The following USH2A variants were observed in gnomAD, a reference collection of about 807,000 sequenced individuals.
The protein encoded by USH2A is Usher syndrome 2A (autosomal recessive, mild).
USH2A carries 443 observed loss-of-function variants against 538.9 expected under a neutral mutation model. The ratio of observed to expected loss-of-function variants is 0.82; its 90% CI spans 0.76 to 0.89. The LOEUF (loss-of-function observed/expected upper bound fraction) is 0.89, where lower values mean the gene tolerates loss of function less well. Ranked by LOEUF, USH2A falls within the 40% of genes least tolerant of loss-of-function variation. The probability of loss-of-function intolerance (pLI) is 0.00; values close to 1 mark genes in which losing one functional copy is unlikely to be tolerated. For missense variants in USH2A, 6,633 were observed against 6,324.8 expected (o/e 1.05, Z -1.65); for synonymous variants, 2,413 against 2,273.5 (o/e 1.06, Z -1.75).
intron 37 of USH2A, among the ~76,000 whole-genome samples, chr1:215,955,398 T>C (rs908521049): frequency 6.6e-6 from 1 of 152,198 alleles, no homozygotes; most frequent in African/African-American, 2.4e-5. Context: ...CAACTCTGGA[T>C]AGAGAAAATT....
At chr1:216,305,114 A>C (rs1263566777) in intron 9 of USH2A, among the ~76,000 whole-genome samples, 1 of 152,046 alleles carries the variant, frequency 6.6e-6, no homozygotes, top group Non-Finnish European at 1.5e-5. Flanking sequence ...TCAGTGGAGT[A>C]CTGAAGTCCC....
At chr1:215,705,991 T>G (rs540587985) in intron 61 of USH2A, among the ~76,000 whole-genome samples, 2 of 152,270 alleles carry the variant, frequency 1.3e-5, no homozygotes, top group South Asian at 4.2e-4. Context: ...TTCAAGTACT[T>G]TATGTATATT....
At chr1:216,065,908 A>C (rs1371066346) in intron 30 of USH2A, among the ~76,000 whole-genome samples, 1 of 151,992 alleles carries the variant, frequency 6.6e-6, no homozygotes, top group Non-Finnish European at 1.5e-5. Context: ...AAAAATAAAA[A>C]AATAAAATAA....
intron 15 of USH2A, among the ~76,000 whole-genome samples, chr1:216,208,688 A>G (rs1307954499): frequency 6.6e-6 from 1 of 152,168 alleles, no homozygotes; most frequent in Non-Finnish European, 1.5e-5. Flanking sequence ...AGGACTCATC[A>G]TATAGTCCTA....
chr1:216,153,301 C>T (rs2033875990), intron 21 of USH2A, among the ~76,000 whole-genome samples: 1 of 152,182 alleles, frequency 6.6e-6, no homozygotes. Flanking sequence ...TTGGGAGTCA[C>T]AAGCACCCAC....
At chr1:215,628,633 A>C (rs1416404540) in intron 71 of USH2A, among the ~76,000 whole-genome samples, 181 bp downstream of exon 71, 1 of 152,174 alleles carries the variant, frequency 6.6e-6, no homozygotes, top group African/African-American at 2.4e-5. Flanking sequence ...AACAAGACAA[A>C]GTTTCTACCC....
At chr1:216,287,486 T>C (rs1016234421) in intron 11 of USH2A, among the ~76,000 whole-genome samples, 19 of 152,172 alleles carry the variant, frequency 1.2e-4, no homozygotes, top group Non-Finnish European at 2.6e-4. Context: ...CTGAAATCCA[T>C]GTTCAGTGAC....
intron 40 of USH2A, among the ~76,000 whole-genome samples, chr1:215,899,815 T>C (rs913220615): frequency 5.3e-5 from 8 of 152,140 alleles, no homozygotes; most frequent in African/African-American, 1.7e-4. Context: ...CCCTGAAGGA[T>C]AGAATGGGGC....
At chr1:215,799,403 A>C (rs1312308195) in intron 49 of USH2A, among the ~76,000 whole-genome samples, 3 of 152,152 alleles carry the variant, frequency 2.0e-5, no homozygotes, top group Non-Finnish European at 2.9e-5. Context: ...GTGGCATTAT[A>C]GAAAAACATC....
At chr1:215,927,643 A>G (rs1666267556) in intron 38 of USH2A, among the ~76,000 whole-genome samples, 1 of 152,134 alleles carries the variant, frequency 6.6e-6, no homozygotes, top group Non-Finnish European at 1.5e-5. Flanking sequence ...GGAGAAAGCA[A>G]AGAACTGAAA....
chr1:215,919,819 G>A (rs943851292), intron 38 of USH2A, among the ~76,000 whole-genome samples: 4 of 151,928 alleles, frequency 2.6e-5, no homozygotes, highest in Non-Finnish European at 4.4e-5. Flanking sequence ...AATTTTTTCT[G>A]AGACGGTCTC....
chr1:216,083,349 G>A, intron 26 of USH2A, 107 bp downstream of exon 26: 1 of 1,273,530 alleles, frequency 7.9e-7, no homozygotes, highest in Non-Finnish European at 1.1e-6. Context: ...GAACAAATGT[G>A]AATTTGTAAA....
chr1:215,687,399 A>G (rs1658465858), intron 61 of USH2A, among the ~76,000 whole-genome samples: 1 of 151,884 alleles, frequency 6.6e-6, no homozygotes, highest in Non-Finnish European at 1.5e-5. Context: ...AGAATACATC[A>G]TTCATTTTGT....
chr1:215,650,585 T>G lies in USH2A; in HGVS notation c.14343+7A>C. ...ACCAGTCCTGGATTTTTAGCTCTGC[T>G]GCTCACCACTGTCTCAGCCCCATGG... On this transcript the variant is annotated splice_region_variant and intron_variant, in intron 65 of 71. Transcript: ENST00000307340. 6.2e-7 allele frequency: 1 copy of G among 1,614,196 alleles called. No individual in the cohort carries two copies. Among genetic ancestry groups the G allele is most frequent in the Non-Finnish European group, 8.5e-7 (1 of 1,180,034 alleles).
intron 47 of USH2A, among the ~76,000 whole-genome samples, chr1:215,832,184 G>T (rs192925773): frequency 6.6e-6 from 1 of 151,804 alleles, no homozygotes; most frequent in East Asian, 1.9e-4. Context: ...GGCAAATATG[G>T]GTTTCACTGG....
chr1:215,961,776 T>C (rs1353478194), intron 37 of USH2A, among the ~76,000 whole-genome samples: 1 of 151,792 alleles, frequency 6.6e-6, no homozygotes, highest in East Asian at 1.9e-4. Flanking sequence ...GATTATTCAG[T>C]AAATGGTTTT....
At chr1:216,124,861 G>A (rs1292100570) in intron 21 of USH2A, among the ~76,000 whole-genome samples, 3 of 152,286 alleles carry the variant, frequency 2.0e-5, no homozygotes, top group Middle Eastern at 3.4e-3. Flanking sequence ...GGTTTTTCAT[G>A]TCTCTGTTGT....
chr1:216,088,711 T>G (rs1403687344), intron 23 of USH2A, among the ~76,000 whole-genome samples: 2 of 152,186 alleles, frequency 1.3e-5, no homozygotes, highest in African/African-American at 4.8e-5. Context: ...CTGTATGTGT[T>G]TTTTGGAAGT....
intron 21 of USH2A, among the ~76,000 whole-genome samples, chr1:216,166,200 G>A (rs185387047): frequency 3.9e-5 from 6 of 152,148 alleles, no homozygotes; most frequent in African/African-American, 1.4e-4. Flanking sequence ...CTTTCATGAT[G>A]AGTAGCAATT....
Sources: gnomAD v4.1 joint callset for allele counts (sites outside exome capture counted in the v4.1 genomes callset) on GRCh38, gnomAD v4.1.1 for gene constraint, MANE v1.5 for transcripts, NCBI Gene and HGNC (gene_info 2026-07-23, HGNC 2026-07-21) for gene names.